The following SLC12A7 variants were observed in gnomAD, a reference collection of about 807,000 sequenced individuals.
SLC12A7 encodes K-Cl cotransporter 4.
In SLC12A7, 100 loss-of-function variants were observed where a neutral mutation model predicts 120.6. The ratio of observed to expected loss-of-function variants is 0.83; its 90% CI spans 0.71 to 0.98. SLC12A7 has a LOEUF of 0.98. Ranked by LOEUF, SLC12A7 falls within the 50% of genes least tolerant of loss-of-function variation. SLC12A7 has a pLI of 0.00. For missense variants in SLC12A7, 1,373 were observed against 1,548.1 expected, an observed-to-expected ratio of 0.89 and a Z score of 1.90; for synonymous variants, 760 against 678.0, an observed-to-expected ratio of 1.12 and a Z score of -1.88.
chr5:1,061,380 CCGCCG>C (rs1485512279), intron 20 of SLC12A7, among the ~76,000 whole-genome samples: 7 of 44,610 alleles, frequency 1.6e-4, no homozygotes, highest in African/African-American at 3.9e-4. Context: ...TGAGTCTCAC[CCGCCG>C]CACCCGCCGT....
the SLC12A7 span, among the ~76,000 whole-genome samples, chr5:1,126,233 A>G: frequency 1.1e-4 from 17 of 152,110 alleles, no homozygotes; most frequent in Non-Finnish European, 1.9e-4. Flanking sequence ...GATTACAGGC[A>G]TGGGCCACCA....
chr5:1,061,395 T>C (rs187004198), intron 20 of SLC12A7, among the ~76,000 whole-genome samples: 14 of 48,944 alleles, frequency 2.9e-4, no homozygotes, highest in African/African-American at 1.5e-3. Context: ...GCACCCGCCG[T>C]ACCTGCCGCA....
chr5:1,073,979 C>T (rs915238214), intron 16 of SLC12A7, among the ~76,000 whole-genome samples, 178 bp from the exon 17 acceptor site: 1 of 151,870 alleles, frequency 6.6e-6, no homozygotes, highest in African/African-American at 2.4e-5. Context: ...ACGTGACACA[C>T]GTGGGGTAAG....
chr5:1,082,029 C>T (rs79319699), intron 8 of SLC12A7, among the ~76,000 whole-genome samples: 22 of 102,120 alleles, frequency 2.2e-4, no homozygotes, highest in African/African-American at 3.4e-4. Context: ...CTGGAAAGTC[C>T]AGGCTTCCCG....
intron 6 of SLC12A7, among the ~76,000 whole-genome samples, chr5:1,086,264 A>G (rs1223983325): frequency 6.6e-6 from 1 of 152,142 alleles, no homozygotes; most frequent in African/African-American, 2.4e-5. Flanking sequence ...GGAGGGGCAG[A>G]AAGACTGGGG....
At chr5:1,074,971 G>C (rs556395626) in intron 15 of SLC12A7, among the ~76,000 whole-genome samples, 28 of 152,184 alleles carry the variant, frequency 1.8e-4, no homozygotes, top group African/African-American at 6.3e-4. Flanking sequence ...GCTGGACCCC[G>C]GGCACGAGGC....
the SLC12A7 span, among the ~76,000 whole-genome samples, chr5:1,139,301 A>G: frequency 6.6e-6 from 1 of 152,374 alleles, no homozygotes; most frequent in African/African-American, 2.4e-5. Flanking sequence ...GTGCGGCCCC[A>G]GTGCCTGCAC....
the SLC12A7 span, among the ~76,000 whole-genome samples, chr5:1,134,644 C>G: frequency 3.3e-5 from 5 of 152,268 alleles, no homozygotes; most frequent in East Asian, 1.9e-4. Context: ...GAATGACCCT[C>G]TGACCCAGCA....
chr5:1,100,810 C>T (rs1334094599), intron 1 of SLC12A7, among the ~76,000 whole-genome samples: 2 of 152,168 alleles, frequency 1.3e-5, no homozygotes, highest in East Asian at 1.9e-4. Context: ...AAAGAAAGTC[C>T]GAGAAACCGT....
chr5:1,083,161 G>A (rs1333633246), intron 8 of SLC12A7, among the ~76,000 whole-genome samples: 14 of 148,482 alleles, frequency 9.4e-5, no homozygotes, highest in African/African-American at 3.2e-4. Flanking sequence ...TTCCCGTCTC[G>A]GGTTCTGGAA....
the SLC12A7 span, among the ~76,000 whole-genome samples, chr5:1,130,766 G>A: frequency 4.6e-5 from 7 of 152,224 alleles, no homozygotes; most frequent in African/African-American, 1.2e-4. Flanking sequence ...CAGCACAGAC[G>A]CAGGTGGGCG....
rs560968274 is a variant in SLC12A7 at position 1,109,349 on chromosome 5, G to A, written c.124+2519C>T. On this transcript the variant is annotated intron_variant, in intron 1 of 23. Transcript: ENST00000264930. ...AACCCACTCTACCCTGAAGTCGGACGAGACGCAGCCGGCCCCCAGCAGTGT... is the reference window on the plus strand; with the variant it reads ...AACCCACTCTACCCTGAAGTCGGACAAGACGCAGCCGGCCCCCAGCAGTGT... Among the ~76,000 whole-genome samples the A allele has an allele frequency of 3.3e-5, 5 of 152,286 alleles. No homozygotes were observed. The South Asian group carries it at 1.0e-3, about 32-fold the overall frequency.
Position 1,087,213 on chromosome 5 carries a change from G to A in SLC12A7, c.545-180C>T, listed in dbSNP as rs114531815. Among the ~76,000 whole-genome samples the A allele has an allele frequency of 2.9e-3, 440 of 152,238 alleles. 3 individuals are homozygous for A. Among genetic ancestry groups the A allele is most frequent in the South Asian group, 0.013 (64 of 4,822 alleles). On this transcript the variant is annotated intron_variant, in intron 5 of 23. Transcript: ENST00000264930. ...CTTCCACGGTGAACTCTCCCCTCCC[G>A]AGGCTCGGCACACGTTCCACACCAA...
Position 1,111,889 on chromosome 5 carries a change from C to T in SLC12A7, c.103G>A (p.Glu35Lys). 8.1e-7 allele frequency: 1 copy of T among 1,230,998 alleles called. No homozygotes were observed. Among genetic ancestry groups the T allele is most frequent in the African/African-American group, 1.6e-5 (1 of 63,862 alleles). 76.3% of individuals were successfully genotyped at this position (1,230,998 alleles called of 1,614,324 possible). A position where few individuals can be genotyped will look rare whatever the true frequency, so the allele number is the denominator to read the frequency against. ...TCACCCGGGCTGGGGCGCTCGGGCT[C>T]GGGGCCCTCGGGGGTGCCCGGAGCC... ...TEAPGTPEGPEPERPSPGDGN... is the reference protein window; with the variant it reads ...TEAPGTPEGPKPERPSPGDGN... The change falls in exon 1 of 24, where the codon GAG becomes AAG. Residue 35 changes from glutamate (E) to lysine (K), a missense_variant. By Grantham distance (56) the Glu-to-Lys change is moderately conservative. Coordinates refer to ENST00000264930, the MANE Select transcript of SLC12A7 (RefSeq NM_006598.3).
chr5:1,053,611 G>A (rs1264129250), intron 22 of SLC12A7, 129 bp from the exon 23 acceptor site: 1 of 1,236,314 alleles, frequency 8.1e-7, no homozygotes, highest in Admixed American at 2.5e-5. Context: ...GGATCAGGCG[G>A]ATTCTCTGAC....
At chr5:1,074,086 G>A (rs1039401333) in intron 16 of SLC12A7, among the ~76,000 whole-genome samples, 6 of 152,112 alleles carry the variant, frequency 3.9e-5, no homozygotes, top group African/African-American at 1.4e-4. Context: ...AGGAGAACAG[G>A]TAGGTTAGAC....
At chr5:1,110,775 G>A (rs528447164) in intron 1 of SLC12A7, among the ~76,000 whole-genome samples, 2 of 152,202 alleles carry the variant, frequency 1.3e-5, no homozygotes, top group Middle Eastern at 3.2e-3. Context: ...CCAAGATCTG[G>A]GCTGGCCTCT....
In SLC12A7 at chr5:1,052,511, G is replaced by A. The variant is rs1326993140; in HGVS notation, c.3161-60C>T. 1.3e-5 allele frequency: 18 copies of A among 1,372,748 alleles called. 1 individual carries two copies. The highest frequency in any genetic ancestry group is 8.2e-5 in the South Asian group (7 of 85,348). The allele number at this position is 1,372,748 out of a possible 1,614,324, so 85.0% of individuals were successfully genotyped here. ...TACCTGAGCGTGTGTAGCTGAAATC[G>A]TGATAGGAGTGAGGTTTATCCTCTC... On this transcript the variant is annotated intron_variant, in intron 23 of 23. Transcript: ENST00000264930.
chr5:1,145,122 G>C, the SLC12A7 span, among the ~76,000 whole-genome samples: 1 of 152,246 alleles, frequency 6.6e-6, no homozygotes, highest in Non-Finnish European at 1.5e-5. The surrounding 1 kb of genome is among the most constrained non-coding windows in gnomAD (Gnocchi z 4.4). Flanking sequence ...GGGGCCCAGG[G>C]ATCACCCCTT....
Sources: gnomAD v4.1 joint callset for allele counts (sites outside exome capture counted in the v4.1 genomes callset) on GRCh38, gnomAD v4.1.1 for gene constraint, Gnocchi (gnomAD v3.1) non-coding constraint, MANE v1.5 for transcripts, NCBI Gene and HGNC (gene_info 2026-07-23, HGNC 2026-07-21) for gene names.